TLN2: variants seen among roughly 807,000 people sequenced by gnomAD.
TLN2 encodes the protein talin-2.
Under a neutral mutation model 294.7 loss-of-function variants are expected in TLN2, and 118 were observed. The ratio of observed to expected loss-of-function variants is 0.40; its 90% CI spans 0.34 to 0.47. TLN2 has a LOEUF of 0.47. TLN2 is among the 20% of genes least tolerant of loss of function. TLN2 has a pLI of 0.84. For missense variants in TLN2, 3,083 were observed against 3,282.2 expected, an observed-to-expected ratio of 0.94 and a Z score of 1.48; for synonymous variants, 1,431 against 1,304.5, an observed-to-expected ratio of 1.10 and a Z score of -2.09.
intron 1 of TLN2, among the ~76,000 whole-genome samples, chr15:62,399,617 A>G (rs2032866132): frequency 6.6e-6 from 1 of 152,236 alleles, no homozygotes; most frequent in African/African-American, 2.4e-5. Context: ...GCATCAGTGT[A>G]ATGTGGATGT....
Position 62,675,287 on chromosome 15 carries a change from T to G in TLN2, c.923T>G (p.Leu308Arg). The stretch of plus-strand genomic sequence containing the variant: ...AAGTACGTCAAACTCGCACGGTCCC[T>G]CCGCACATATGGCGTGTCCTTCTTC... ...KVKYVKLARSLRTYGVSFFLV... is the reference protein window; with the variant it reads ...KVKYVKLARSRRTYGVSFFLV... Residue 308 changes from leucine to arginine, a missense_variant, in exon 11 of 59, where the codon CTC becomes CGC. Coordinates refer to ENST00000636159, the MANE Select transcript of TLN2 (RefSeq NM_015059.3). The G allele has an allele frequency of 6.2e-7, 1 of 1,614,224 alleles. No homozygotes were observed. Among genetic ancestry groups the G allele is most frequent in the Non-Finnish European group, 8.5e-7 (1 of 1,180,036 alleles).
At chr15:62,629,325 T>C (rs1216042010) in intron 3 of TLN2, among the ~76,000 whole-genome samples, 1 of 152,232 alleles carries the variant, frequency 6.6e-6, no homozygotes, top group Non-Finnish European at 1.5e-5. Context: ...GCACATAATG[T>C]GTGATCAGTA....
chr15:62,675,141 A>G, intron 10 of TLN2, 76 bp from the exon 11 acceptor site: 2 of 1,356,264 alleles, frequency 1.5e-6, no homozygotes, highest in South Asian at 2.5e-5. Flanking sequence ...TCCACCACAT[A>G]CAGTAACTAC....
chr15:62,550,362 G>T (rs1274966797), intron 1 of TLN2, among the ~76,000 whole-genome samples: 1 of 152,108 alleles, frequency 6.6e-6, no homozygotes, highest in Non-Finnish European at 1.5e-5. Flanking sequence ...GAAAATTCAG[G>T]TTCCAAACTT....
chr15:62,698,644 C>G (rs902832749), intron 15 of TLN2, 110 bp from the exon 16 acceptor site: 5 of 810,002 alleles, frequency 6.2e-6, no homozygotes, highest in Non-Finnish European at 1.0e-5. Flanking sequence ...GAGATGTAGC[C>G]TGGGCTGCTT....
rs144496229 is a variant in TLN2 at position 62,444,360 on chromosome 15, T to C, written c.-238+53675T>C. On this transcript the variant is annotated intron_variant, in intron 1 of 58. Coordinates refer to ENST00000636159, the MANE Select transcript of TLN2 (RefSeq NM_015059.3). ...CATTCTCTGGATGCAGTGGTTTGAA[T>C]CTTATGTAAGAAGTAAGTTCCATGA... 5.9e-5 allele frequency among the ~76,000 whole-genome samples: 9 copies of C among 152,388 alleles called. No individual in the cohort carries two copies. In the East Asian group the frequency reaches 1.7e-3, roughly 29 times the overall value.
At chr15:62,642,746 G>A (rs2051287219) in intron 3 of TLN2, among the ~76,000 whole-genome samples, 1 of 148,546 alleles carries the variant, frequency 6.7e-6, no homozygotes, top group South Asian at 2.1e-4. Flanking sequence ...CACCCAGGCT[G>A]GGGTGCAGTG....
intron 9 of TLN2, among the ~76,000 whole-genome samples, chr15:62,661,610 TG>T (rs1188231597): frequency 1.3e-5 from 2 of 152,184 alleles, no homozygotes; most frequent in Non-Finnish European, 2.9e-5. Flanking sequence ...GGCATCATAC[TG>T]AATGTAAGTA....
At chr15:62,425,842 A>G (rs556867348) in intron 1 of TLN2, among the ~76,000 whole-genome samples, 1 of 152,214 alleles carries the variant, frequency 6.6e-6, no homozygotes, top group Non-Finnish European at 1.5e-5. Flanking sequence ...TTAATTTACC[A>G]TCATTGGTTG....
chr15:62,474,023 G>A (rs1435490751), intron 1 of TLN2, among the ~76,000 whole-genome samples: 1 of 152,204 alleles, frequency 6.6e-6, no homozygotes, highest in Non-Finnish European at 1.5e-5. Flanking sequence ...GAACCCCGGA[G>A]GCGGAAGTTG....
chr15:62,647,077 G>A (rs755620580), intron 3 of TLN2, among the ~76,000 whole-genome samples, 198 bp from the exon 4 acceptor site: 10 of 152,166 alleles, frequency 6.6e-5, no homozygotes, highest in African/African-American at 9.7e-5. Context: ...TAGCCAATAT[G>A]CTGTTGTTGT....
chr15:62,753,685 A>C, intron 35 of TLN2, 88 bp from the exon 36 acceptor site: 4 of 1,464,898 alleles, frequency 2.7e-6, no homozygotes, highest in Non-Finnish European at 3.6e-6. Context: ...TGAGTGTGAC[A>C]GCTGCATGTG....
intron 1 of TLN2, among the ~76,000 whole-genome samples, chr15:62,410,513 T>G (rs375922982): frequency 8.5e-5 from 13 of 152,232 alleles, no homozygotes; most frequent in African/African-American, 3.1e-4. Flanking sequence ...TTTTGTGAAT[T>G]AGTTTGCAAA....
chr15:62,668,814 TG>T (rs2055045274), intron 9 of TLN2, among the ~76,000 whole-genome samples: 1 of 152,246 alleles, frequency 6.6e-6, no homozygotes, highest in Non-Finnish European at 1.5e-5. Flanking sequence ...AAACAGGGTT[TG>T]GCCTTCAGAA....
chr15:62,713,113 C>G (rs538035055), intron 22 of TLN2, among the ~76,000 whole-genome samples: 2 of 151,464 alleles, frequency 1.3e-5, no homozygotes, highest in African/African-American at 4.9e-5. Context: ...AATAAAAACA[C>G]AAAAAATTAA....
At chr15:62,452,052 C>G (rs2036185769) in intron 1 of TLN2, among the ~76,000 whole-genome samples, 1 of 152,124 alleles carries the variant, frequency 6.6e-6, no homozygotes, top group African/African-American at 2.4e-5. Context: ...TTCCTGTCGC[C>G]TGTGGAGACA....
intron 1 of TLN2, among the ~76,000 whole-genome samples, chr15:62,452,408 A>G (rs2036210888): frequency 6.6e-6 from 1 of 152,274 alleles, no homozygotes; most frequent in Non-Finnish European, 1.5e-5. Flanking sequence ...TAAACTGGAA[A>G]TGAGAAGGAC....
rs747426828 is a variant in TLN2, at chr15:62,835,783, A to C, written c.7175A>C (p.Gln2392Pro). The change falls in exon 56 of 59, where the codon CAG (glutamine) becomes CCG (proline). Residue 2392 changes from glutamine to proline, a missense_variant. Transcript: ENST00000636159. ...GCTGCAGACGACGGACAGTGGTCAC[A>C]GGGGCTGATTTCTGCTGTGAGTTGC... ...ANAADDGQWS[Q>P]GLISAARMVA... 1 of 1,614,152 alleles carries C rather than the reference A, an allele frequency of 6.2e-7. No individual in the cohort carries two copies. The highest frequency in any genetic ancestry group is 1.7e-5 in the Admixed American group (1 of 60,014).
At chr15:62,504,347 A>C (rs1259734656) in intron 1 of TLN2, among the ~76,000 whole-genome samples, 2 of 152,208 alleles carry the variant, frequency 1.3e-5, no homozygotes, top group African/African-American at 4.8e-5. Context: ...TTTACATGGA[A>C]ATGCAAAGGG....
Sources: gnomAD v4.1 joint callset for allele counts (sites outside exome capture counted in the v4.1 genomes callset) on GRCh38, gnomAD v4.1.1 for gene constraint, MANE v1.5 for transcripts, NCBI Gene and HGNC (gene_info 2026-07-23, HGNC 2026-07-21) for gene names.